Variants in LRIG1 observed in about 807,000 individuals in gnomAD.
LRIG1 encodes the protein leucine-rich repeats and immunoglobulin-like domains protein 1.
A neutral mutation model predicts 99.2 loss-of-function variants in LRIG1; 48 were observed. The observed-to-expected ratio is 0.48, with a 90% CI of 0.38 to 0.62. LRIG1 has a LOEUF of 0.62. Among genes scored for constraint, LRIG1 ranks in the 20% least tolerant of loss-of-function variants. The pLI, the probability that LRIG1 is intolerant of heterozygous loss-of-function variation, is 0.00. For missense variants in LRIG1, 1,646 were observed against 1,434.4 expected (o/e 1.15, Z -2.38); for synonymous variants, 772 against 596.1 (o/e 1.29, Z -4.30).
intron 1 of LRIG1, among the ~76,000 whole-genome samples, chr3:66,462,856 T>C (rs933331382): frequency 1.3e-5 from 2 of 152,208 alleles, no homozygotes; most frequent in African/African-American, 4.8e-5. Context: ...ACAAGGCTAT[T>C]CTTAACGGCA....
chr3:66,455,000 A>G (rs1166698385), intron 2 of LRIG1, among the ~76,000 whole-genome samples: 3 of 152,312 alleles, frequency 2.0e-5, no homozygotes, highest in Non-Finnish European at 4.4e-5. Flanking sequence ...GCTGGAGTAC[A>G]TTGGCATGAT....
At chr3:66,459,140 A>C (rs568164734) in intron 2 of LRIG1, among the ~76,000 whole-genome samples, 11 of 152,326 alleles carry the variant, frequency 7.2e-5, no homozygotes, top group African/African-American at 2.6e-4. Context: ...AGTGAGAAAT[A>C]TATTTTTGAG....
chr3:66,492,602 A>C (rs1347653418), intron 1 of LRIG1, among the ~76,000 whole-genome samples: 1 of 152,202 alleles, frequency 6.6e-6, no homozygotes, highest in Non-Finnish European at 1.5e-5. Flanking sequence ...TGACCACAAA[A>C]GTTCAAAAAC....
chr3:66,431,395 T>A (rs1486691666), intron 3 of LRIG1, among the ~76,000 whole-genome samples: 1 of 152,190 alleles, frequency 6.6e-6, no homozygotes, highest in East Asian at 1.9e-4. Context: ...GGCCAGGGAC[T>A]AACCCCAGAA....
At chr3:66,412,578 G>C (rs1009513443) in intron 6 of LRIG1, among the ~76,000 whole-genome samples, 1 of 152,222 alleles carries the variant, frequency 6.6e-6, no homozygotes. Flanking sequence ...AGCTGCAAAG[G>C]GAAGGGGGCT....
At chr3:66,407,549 C>A (rs964790630) in intron 7 of LRIG1, 58 bp from the exon 8 acceptor site, 10 of 1,592,790 alleles carry the variant, frequency 6.3e-6, no homozygotes, top group Non-Finnish European at 8.6e-6. Context: ...CCAACCCCAC[C>A]CCACCGGAAA....
chr3:66,438,435 T>C (rs1354629139), intron 3 of LRIG1, among the ~76,000 whole-genome samples: 2 of 152,170 alleles, frequency 1.3e-5, no homozygotes, highest in Admixed American at 6.5e-5. Flanking sequence ...TGGTTGAGTA[T>C]GGTTGATACT....
chr3:66,438,800 G>C (rs1046950817), intron 3 of LRIG1, among the ~76,000 whole-genome samples: 1 of 152,230 alleles, frequency 6.6e-6, no homozygotes, highest in African/African-American at 2.4e-5. Flanking sequence ...ACAAAGGGAT[G>C]GCGCTGTGAG....
At chr3:66,401,416 G>A (rs1432672096) in intron 9 of LRIG1, among the ~76,000 whole-genome samples, 11 of 152,194 alleles carry the variant, frequency 7.2e-5, no homozygotes, top group African/African-American at 2.7e-4. Context: ...ACTGTTTAGT[G>A]AAATCTCCTG....
rs1454991956 is a variant in LRIG1, at chr3:66,500,604, C to G, written c.-197G>C. 37 of 346,290 alleles carry G rather than the reference C, an allele frequency of 1.1e-4. No individual in the cohort carries two copies. Among genetic ancestry groups the G allele is most frequent in the Non-Finnish European group, 1.0e-5 (2 of 193,798 alleles). 21.5% of individuals were successfully genotyped at this position (346,290 alleles called of 1,614,324 possible). ...GGTGCCCGGGCCGCTCCGGAGCACC[C>G]GGCGGGGGCCGCAAACCCCGCGCCC... On this transcript the variant is annotated 5_prime_UTR_variant, in exon 1 of 19. Coordinates refer to ENST00000273261, the MANE Select transcript of LRIG1 (RefSeq NM_015541.3).
intron 3 of LRIG1, among the ~76,000 whole-genome samples, chr3:66,442,538 A>G (rs1483254971): frequency 6.6e-6 from 1 of 151,804 alleles, no homozygotes; most frequent in African/African-American, 2.4e-5. Context: ...CACACGGGAG[A>G]TTGTGCAATG....
chr3:66,471,982 T>C (rs957822338), intron 1 of LRIG1, among the ~76,000 whole-genome samples: 1 of 152,046 alleles, frequency 6.6e-6, no homozygotes, highest in African/African-American at 2.4e-5. Flanking sequence ...ATCCAGGGTG[T>C]TTCTGAAAAT....
intron 6 of LRIG1, among the ~76,000 whole-genome samples, chr3:66,410,631 A>G (rs1452024409): frequency 1.3e-5 from 2 of 152,206 alleles, no homozygotes; most frequent in Admixed American, 6.5e-5. Flanking sequence ...TGAGCTCGGG[A>G]GTTCGAGACC....
Position 66,383,421 on chromosome 3 carries a change from A to T in LRIG1, c.2072-20T>A, listed in dbSNP as rs1219734054. 3 of 1,521,748 alleles carry T rather than the reference A, an allele frequency of 2.0e-6. No individual in the cohort carries two copies. The highest frequency in any genetic ancestry group is 2.1e-5 in the Admixed American group (1 of 48,352). The allele number at this position is 1,521,748 out of a possible 1,614,324, so 94.3% of individuals were successfully genotyped here. On this transcript the variant is annotated intron_variant, in intron 14 of 18. Coordinates refer to ENST00000273261, the MANE Select transcript of LRIG1 (RefSeq NM_015541.3). The stretch of plus-strand genomic sequence containing the variant: ...GGGTCTCTACAAGAGAGCAACAGAG[A>T]TCTTAGTCATTCTCAGGGCCTCCGT...
chr3:66,462,380 G>C, intron 2 of LRIG1, 58 bp downstream of exon 2: 2 of 1,312,102 alleles, frequency 1.5e-6, no homozygotes, highest in Non-Finnish European at 2.2e-6. Flanking sequence ...AATACAAGAG[G>C]ATTTTCCCAA....
chr3:66,436,347 G>A (rs969129283), intron 3 of LRIG1, among the ~76,000 whole-genome samples: 4 of 152,194 alleles, frequency 2.6e-5, no homozygotes, highest in African/African-American at 7.2e-5. Context: ...AGCTCAGGAA[G>A]GGGCATTTCC....
At chr3:66,491,501 T>C (rs187446995) in intron 1 of LRIG1, among the ~76,000 whole-genome samples, 1 of 152,248 alleles carries the variant, frequency 6.6e-6, no homozygotes. Flanking sequence ...ACATATAAAC[T>C]AGGGTGCACA....
At chr3:66,397,111 G>A (rs1349767916) in intron 11 of LRIG1, among the ~76,000 whole-genome samples, 3 of 152,204 alleles carry the variant, frequency 2.0e-5, no homozygotes, top group Non-Finnish European at 2.9e-5. Context: ...TTGCAAGGAC[G>A]GTATCTATTC....
intron 3 of LRIG1, among the ~76,000 whole-genome samples, chr3:66,428,615 G>A (rs62245368): frequency 2.6e-5 from 4 of 152,186 alleles, no homozygotes; most frequent in African/African-American, 9.7e-5. Context: ...CATTTTTCAA[G>A]AACAAGTGAA....
Sources: allele counts gnomAD v4.1 joint callset (sites outside exome capture counted in the v4.1 genomes callset), GRCh38; gene constraint gnomAD v4.1.1; transcripts MANE v1.5; gene names NCBI Gene and HGNC (gene_info 2026-07-23, HGNC 2026-07-21).